Variants in WWOX observed in about 807,000 individuals in gnomAD.
WWOX encodes the protein WW domain-containing oxidoreductase.
WWOX carries 69 observed loss-of-function variants against 46.2 expected under a neutral mutation model. The observed-to-expected ratio is 1.49, with a 90% CI of 1.23 to 1.82. WWOX has a LOEUF of 1.82. WWOX is among the 40% of genes most tolerant of loss of function. The probability of loss-of-function intolerance (pLI) is 0.00; values close to 1 mark genes in which losing one functional copy is unlikely to be tolerated. For missense variants in WWOX, 919 were observed against 542.6 expected (o/e 1.69, Z -6.89); for synonymous variants, 359 against 202.6 (o/e 1.77, Z -6.56).
chr16:78,933,607 G>A (rs1162393494), intron 8 of WWOX, among the ~76,000 whole-genome samples: 2 of 152,146 alleles, frequency 1.3e-5, no homozygotes, highest in South Asian at 4.1e-4. Flanking sequence ...CCGAGACTGG[G>A]CAATTTACAA....
At chr16:78,870,524 C>T (rs1372226262) in intron 8 of WWOX, among the ~76,000 whole-genome samples, 1 of 152,024 alleles carries the variant, frequency 6.6e-6, no homozygotes, top group African/African-American at 2.4e-5. Flanking sequence ...ACAAAAAACC[C>T]TTACTGATCT....
intron 8 of WWOX, among the ~76,000 whole-genome samples, chr16:79,062,226 C>A (rs1437065740): frequency 6.6e-6 from 1 of 152,200 alleles, no homozygotes; most frequent in Non-Finnish European, 1.5e-5. Context: ...GTGTATCTTA[C>A]AGTTTAAAAC....
chr16:78,630,057 C>A (rs1010706695), intron 8 of WWOX, among the ~76,000 whole-genome samples: 2 of 152,136 alleles, frequency 1.3e-5, no homozygotes, highest in Non-Finnish European at 2.9e-5. Context: ...CTCGAAGCTT[C>A]ACAAGGGCAG....
intron 8 of WWOX, among the ~76,000 whole-genome samples, chr16:78,648,765 C>A (rs939808093): frequency 6.6e-6 from 1 of 152,128 alleles, no homozygotes; most frequent in Non-Finnish European, 1.5e-5. Context: ...AGCTTTCTTT[C>A]TCTCCACCTC....
chr16:78,986,668 G>T (rs1488120689), intron 8 of WWOX, among the ~76,000 whole-genome samples: 2 of 152,164 alleles, frequency 1.3e-5, no homozygotes, highest in Non-Finnish European at 2.9e-5. Flanking sequence ...TCTGACTCTT[G>T]AATTCTCTTT....
In WWOX at chr16:78,623,394, C is replaced by G. The variant is rs183531727; in HGVS notation, c.1056+190642C>G. 1.6e-3 allele frequency among the ~76,000 whole-genome samples: 237 copies of G among 152,202 alleles called. 2 individuals are homozygous for G. The highest frequency in any genetic ancestry group is 5.3e-3 in the African/African-American group (221 of 41,536). ...GATGATCTTATAAGAAACCTGTACT[C>G]TTTGGCCAGACACGGTGGCTCATGC... is the stretch of plus-strand genomic sequence containing the variant. On this transcript the variant is annotated intron_variant, in intron 8 of 8. Transcript: ENST00000566780.
At chr16:78,826,228 C>G (rs1291654677) in intron 8 of WWOX, among the ~76,000 whole-genome samples, 1 of 152,176 alleles carries the variant, frequency 6.6e-6, no homozygotes, top group Non-Finnish European at 1.5e-5. Flanking sequence ...GCCCTGTAAT[C>G]ACAGCTACTT....
At chr16:78,355,627 A>C (rs2081269990) in intron 5 of WWOX, 1 of 594,596 alleles carries the variant, frequency 1.7e-6, no homozygotes, top group Non-Finnish European at 3.2e-6. Context: ...TGAAAATGAG[A>C]AACGACCGAG....
At chr16:78,744,673 C>G (rs1005828494) in intron 8 of WWOX, among the ~76,000 whole-genome samples, 2 of 152,040 alleles carry the variant, frequency 1.3e-5, no homozygotes, top group African/African-American at 4.8e-5. Flanking sequence ...CTTAAGTGAT[C>G]CACCTGCCTC....
At chr16:78,189,773 A>G (rs904797618) in intron 5 of WWOX, among the ~76,000 whole-genome samples, 1 of 151,420 alleles carries the variant, frequency 6.6e-6, no homozygotes, top group African/African-American at 2.4e-5. Context: ...TCCTGGCTCA[A>G]CCTCCTAAGT....
intron 8 of WWOX, among the ~76,000 whole-genome samples, chr16:79,042,846 T>C (rs144143462): frequency 1.1e-3 from 172 of 152,150 alleles, no homozygotes; most frequent in African/African-American, 3.7e-3. Context: ...CCCAGAATTA[T>C]AGCTCAAATT....
At chr16:78,650,766 A>T in intron 8 of WWOX, among the ~76,000 whole-genome samples, 1 of 152,156 alleles carries the variant, frequency 6.6e-6, no homozygotes, top group East Asian at 1.9e-4. Context: ...TTTCCATGCC[A>T]TGTCTCCCCC....
At chr16:78,792,726 A>T (rs1291960101) in intron 8 of WWOX, among the ~76,000 whole-genome samples, 1 of 152,202 alleles carries the variant, frequency 6.6e-6, no homozygotes, top group East Asian at 1.9e-4. Context: ...CACCTGTAGA[A>T]ATCTTAAGAT....
At chr16:78,875,958 A>C (rs576380371) in intron 8 of WWOX, among the ~76,000 whole-genome samples, 1 of 152,254 alleles carries the variant, frequency 6.6e-6, no homozygotes, top group Admixed American at 6.5e-5. Context: ...TCCCTTATCT[A>C]GTCCTACAGA....
intron 8 of WWOX, among the ~76,000 whole-genome samples, chr16:78,462,246 T>C (rs1344257065): frequency 1.3e-5 from 2 of 152,092 alleles, no homozygotes; most frequent in Non-Finnish European, 2.9e-5. Flanking sequence ...CACGCTCTTT[T>C]TTTTTTTTCT....
chr16:78,180,555 A>G (rs902277285), intron 5 of WWOX, among the ~76,000 whole-genome samples: 1 of 151,716 alleles, frequency 6.6e-6, no homozygotes, highest in African/African-American at 2.4e-5. Context: ...CTAGTGGGTA[A>G]ACCCAGCTGC....
rs115819251 is a variant in WWOX at position 78,619,562 on chromosome 16, A to T, written c.1056+186810A>T. 7.5e-4 allele frequency among the ~76,000 whole-genome samples: 114 copies of T among 151,904 alleles called. 1 individual carries two copies. The highest frequency in any genetic ancestry group is 2.7e-3 in the African/African-American group (111 of 41,420). On this transcript the variant is annotated intron_variant, in intron 8 of 8. Transcript: ENST00000566780. ...TGCCACTTCTAATCTCAATTTTATT[A>T]TACAATTTGTTAAATACAGAAGTAA...
intron 8 of WWOX, among the ~76,000 whole-genome samples, chr16:79,043,959 G>C (rs537444701): frequency 2.0e-5 from 3 of 152,188 alleles, no homozygotes; most frequent in Non-Finnish European, 2.9e-5. Context: ...GTCTTCTGTG[G>C]TTTGGTCCTT....
At chr16:78,432,293 A>G (rs1160711654) in intron 7 of WWOX, among the ~76,000 whole-genome samples, 195 bp from the exon 8 acceptor site, 1 of 151,934 alleles carries the variant, frequency 6.6e-6, no homozygotes, top group African/African-American at 2.4e-5. Context: ...TTTAGTAGAG[A>G]TGGCATTTTG....
Sources: gnomAD v4.1 joint callset for allele counts (sites outside exome capture counted in the v4.1 genomes callset) on GRCh38, gnomAD v4.1.1 for gene constraint, MANE v1.5 for transcripts, NCBI Gene and HGNC (gene_info 2026-07-23, HGNC 2026-07-21) for gene names.